The following TARBP2 variants were observed in gnomAD, a reference collection of about 807,000 sequenced individuals.
The protein encoded by TARBP2 is TARBP2 subunit of RISC loading complex.
TARBP2 carries 23 observed loss-of-function variants against 40.4 expected under a neutral mutation model. That is an observed-to-expected ratio of 0.57 (90% CI 0.41 to 0.81). TARBP2 has a LOEUF of 0.81. Ranked by LOEUF, TARBP2 falls within the 30% of genes least tolerant of loss-of-function variation. TARBP2 has a pLI of 0.00. For synonymous variants in TARBP2, 183 were observed against 190.5 expected (o/e 0.96, Z 0.32); for missense variants, 358 against 473.7 (o/e 0.76, Z 2.27).
At chr12:53,503,864 G>C (rs1405014125) in intron 4 of TARBP2, 56 bp downstream of exon 4, 1 of 1,386,810 alleles carries the variant, frequency 7.2e-7, no homozygotes, top group Non-Finnish European at 1.0e-6. Context: ...CTGGTTTTTG[G>C]TCCCTCAGTC....
chr12:53,504,385 CT>C lies in TARBP2; in HGVS notation c.423-8del, dbSNP rs1182769355. Reference sequence around the variant, plus strand: ...CTTCACCTCAACTTTGGCCCTGTGCCTTTTCCTTCAGGAGCCCCCCCATGGA... The same window carrying C: ...CTTCACCTCAACTTTGGCCCTGTGCCTTTCCTTCAGGAGCCCCCCCATGGA... On this transcript the variant is annotated splice_polypyrimidine_tract_variant and intron_variant, in intron 4 of 8. Transcript: ENST00000266987. The C allele has an allele frequency of 9.7e-6, 15 of 1,551,598 alleles. No individual in the cohort carries two copies. Among genetic ancestry groups the C allele is most frequent in the Admixed American group, 6.4e-5 (3 of 47,240 alleles).
chr12:53,505,171 C>T lies in TARBP2; in HGVS notation c.650C>T (p.Ala217Val), dbSNP rs957530072. 1.2e-5 allele frequency: 19 copies of T among 1,611,188 alleles called. No individual in the cohort carries two copies. Among genetic ancestry groups the T allele is most frequent in the East Asian group, 2.2e-5 (1 of 44,816 alleles). Residue 217 changes from alanine to valine, a missense_variant, in exon 7 of 9, where the codon GCG (alanine) becomes GTG (valine). By Grantham distance (64) the Ala-to-Val change is moderately conservative (BLOSUM62 0). Coordinates refer to ENST00000266987, the MANE Select transcript of TARBP2 (RefSeq NM_134323.2). The surrounding 1 kb of genome is among the most constrained non-coding windows in gnomAD (Gnocchi z 4.5). ...GTSKKLAKRN[A>V]AAKMLLRVHT... ...TCCAAAAAATTGGCAAAGCGGAATG[C>T]GGCGGCCAAAATGCTGCTTCGAGTG...
intron 1 of TARBP2, 82 bp downstream of exon 1, chr12:53,501,543 C>T (rs2137255088): frequency 5.2e-6 from 8 of 1,541,254 alleles, no homozygotes; most frequent in Non-Finnish European, 7.0e-6. Context: ...CCAGCATGCA[C>T]CTGGCCTGAG....
In TARBP2 at chr12:53,502,040, C is replaced by A. The variant is rs201806294; in HGVS notation, c.79C>A (p.Pro27Thr). The A allele has an allele frequency of 6.2e-7, 1 of 1,614,160 alleles. No individual in the cohort carries two copies. The highest frequency in any genetic ancestry group is 1.1e-5 in the South Asian group (1 of 91,084). The change falls in exon 2 of 9, where the codon CCA (proline) becomes ACA (threonine). Residue 27 changes from proline to threonine, a missense_variant. Physicochemically the swap from Pro to Thr is conservative, Grantham distance 38. Coordinates refer to ENST00000266987, the MANE Select transcript of TARBP2 (RefSeq NM_134323.2). Reference sequence around the variant, plus strand: ...TATAGAGCAAATGCTGGCCGCCAACCCAGGCAAGACCCCGATCAGCCTTCT... The same window carrying A: ...TATAGAGCAAATGCTGGCCGCCAACACAGGCAAGACCCCGATCAGCCTTCT... ...PSIEQMLAAN[P>T]GKTPISLLQE...
In TARBP2 at chr12:53,501,674, C is replaced by CACTG. The variant is rs1362421064; in HGVS notation, c.53+214_53+217dup. ...GCCCGGTTCCCAGACTGCACTGGAA[C>CACTG]ACTGGGCTTTATGCCCCCACATTCA... is the stretch of plus-strand genomic sequence containing the variant. On this transcript the variant is annotated intron_variant, in intron 1 of 8. Coordinates refer to ENST00000266987, the MANE Select transcript of TARBP2 (RefSeq NM_134323.2). The CACTG allele has an allele frequency of 2.1e-5, 30 of 1,439,594 alleles. No individual in the cohort carries two copies. The East Asian group carries it at 7.5e-4, about 36-fold the overall frequency. The allele number at this position is 1,439,594 out of a possible 1,614,324, so 89.2% of individuals were successfully genotyped here.
rs1167934630 is a variant in TARBP2, at chr12:53,504,476, C to A, written c.495+7C>A. The A allele has an allele frequency of 6.2e-7, 1 of 1,613,368 alleles. No homozygotes were observed. Among genetic ancestry groups the A allele is most frequent in the Admixed American group, 1.7e-5 (1 of 59,924 alleles). ...CCCCGTTGGTGCTCTGCAGGTGTGTCCCATCCTCATTTCCCATGCATGCCT... is the reference window on the plus strand; with the variant it reads ...CCCCGTTGGTGCTCTGCAGGTGTGTACCATCCTCATTTCCCATGCATGCCT... On this transcript the variant is annotated splice_region_variant and intron_variant, in intron 5 of 8. Transcript: ENST00000266987.
chr12:53,501,727 G>A (rs926088967), intron 1 of TARBP2: 1 of 1,428,554 alleles, frequency 7.0e-7, no homozygotes, highest in Non-Finnish European at 9.1e-7. Context: ...TGGGTTCCTG[G>A]CTTGCACTGT....
intron 3 of TARBP2, 52 bp from the exon 4 acceptor site, chr12:53,503,661 C>T (rs1943822729): frequency 7.2e-7 from 1 of 1,381,866 alleles, no homozygotes; most frequent in Non-Finnish European, 1.0e-6. Context: ...CCCCACCCCT[C>T]TCTTCCCCCT....
At position 53,503,009 on chromosome 12, in the gene TARBP2, C is replaced by G. The variant is rs1220169907; in HGVS notation, c.224-18C>G. ...TCCTTTCAGTGACCTCCAGTATTGC[C>G]CATGCCCCCTCTCTCAGGTCAGGGC... On this transcript the variant is annotated intron_variant, in intron 2 of 8. Coordinates refer to ENST00000266987, the MANE Select transcript of TARBP2 (RefSeq NM_134323.2). 1.7e-5 allele frequency: 26 copies of G among 1,545,888 alleles called. No homozygotes were observed. The highest frequency in any genetic ancestry group is 2.2e-5 in the Non-Finnish European group (25 of 1,143,888).
chr12:53,504,300 T>C (rs1249603688), intron 4 of TARBP2, 97 bp from the exon 5 acceptor site: 2 of 1,129,378 alleles, frequency 1.8e-6, no homozygotes, highest in African/African-American at 3.2e-5. Context: ...CGGGAGATGG[T>C]AGTCAGGAAT....
chr12:53,504,916 C>A, intron 6 of TARBP2, 101 bp downstream of exon 6: 1 of 1,485,092 alleles, frequency 6.7e-7, no homozygotes, highest in South Asian at 1.2e-5. Flanking sequence ...CCCCTGCTCT[C>A]TTAGCTTCAC....
At position 53,502,085 on chromosome 12, in the gene TARBP2, A is replaced by G. The variant is rs200955588; in HGVS notation, c.124A>G (p.Ile42Val). 6.2e-7 allele frequency: 1 copy of G among 1,614,228 alleles called. No homozygotes were observed. The highest frequency in any genetic ancestry group is 8.5e-7 in the Non-Finnish European group (1 of 1,180,050). The part of the protein sequence containing the change: ...ISLLQEYGTR[I>V]GKTPVYDLLK... ...CCTTCTGCAGGAGTATGGGACCAGA[A>G]TAGGGAAGACGCCTGTGTACGACCT... is the stretch of plus-strand genomic sequence containing the variant. Residue 42 changes from isoleucine (I) to valine (V), a missense_variant, in exon 2 of 9, where the codon ATA becomes GTA. Around this residue, in one of 3 missense-constraint regions of TARBP2, gnomAD observed 317 missense variants for 422.9 expected, o/e 0.75. Coordinates refer to ENST00000266987, the MANE Select transcript of TARBP2 (RefSeq NM_134323.2).
Position 53,503,826 on chromosome 12 carries a change from C to A in TARBP2, c.422+18C>A. ...CTAACCAGGTATCTGTGTCCCCTGA[C>A]TGCCTGAGGTGGGTGGAGGAAGGGG... On this transcript the variant is annotated intron_variant, in intron 4 of 8. Coordinates refer to ENST00000266987, the MANE Select transcript of TARBP2 (RefSeq NM_134323.2). 6.2e-7 allele frequency: 1 copy of A among 1,605,478 alleles called. No homozygotes were observed. The highest frequency in any genetic ancestry group is 8.5e-7 in the Non-Finnish European group (1 of 1,172,158).
Position 53,501,428 on chromosome 12 carries a change from G to A in TARBP2, c.20G>A (p.Gly7Asp), listed in dbSNP as rs749572733. The A allele has an allele frequency of 1.9e-6, 3 of 1,568,280 alleles. No homozygotes were observed. The highest frequency in any genetic ancestry group is 2.7e-5 in the African/African-American group (2 of 73,864). Residue 7 changes from glycine (G) to aspartate (D), a missense_variant, in exon 1 of 9, where the codon GGC becomes GAC. Around this residue, in one of 3 missense-constraint regions of TARBP2, gnomAD observed 32 missense variants for 21.6 expected, o/e 1.48. Transcript: ENST00000266987. The stretch of plus-strand genomic sequence containing the variant: ...GAGGGAATGAGTGAAGAGGAGCAAG[G>A]CTCCGGCACTACCACGGGCTGCGGG... Reference protein sequence around the residue: MSEEEQGSGTTTGCGLP... With the variant: MSEEEQDSGTTTGCGLP...
At chr12:53,501,501 T>C (rs754654408) in intron 1 of TARBP2, 40 bp downstream of exon 1, 5 of 1,553,294 alleles carry the variant, frequency 3.2e-6, no homozygotes, top group Non-Finnish European at 4.4e-6. Context: ...GCGAAAAGCG[T>C]GGGGCCGTGC....
intron 3 of TARBP2, 62 bp from the exon 4 acceptor site, chr12:53,503,651 C>T: frequency 7.9e-7 from 1 of 1,262,800 alleles, no homozygotes; most frequent in African/African-American, 1.5e-5. Flanking sequence ...GACGTGGGTC[C>T]CCCACCCCTC....
intron 5 of TARBP2, 112 bp from the exon 6 acceptor site, chr12:53,504,586 C>G: frequency 6.2e-7 from 1 of 1,606,156 alleles, no homozygotes; most frequent in Non-Finnish European, 8.5e-7. Flanking sequence ...CCCTTTCCAC[C>G]CCCCTCTCTC....
Position 53,503,763 on chromosome 12 carries a change from C to T in TARBP2, c.377C>T (p.Thr126Ile). 1.2e-6 allele frequency: 2 copies of T among 1,614,212 alleles called. No homozygotes were observed. Among genetic ancestry groups the T allele is most frequent in the Non-Finnish European group, 1.7e-6 (2 of 1,180,014 alleles). The part of the protein sequence containing the change: ...SSLPEDIPVF[T>I]AAAAATPVPS... ...CTGCCTGAGGACATTCCGGTTTTTA[C>T]TGCTGCAGCAGCTGCTACCCCAGTT... The change falls in exon 4 of 9, where the codon ACT becomes ATT. Residue 126 changes from threonine to isoleucine, a missense_variant. By Grantham distance (89) the Thr-to-Ile change is moderately conservative. Coordinates refer to ENST00000266987, the MANE Select transcript of TARBP2 (RefSeq NM_134323.2).
In TARBP2 at chr12:53,503,535, C is replaced by T. The variant is rs534986225; in HGVS notation, c.327-178C>T. 11 of 601,064 alleles carry T rather than the reference C, an allele frequency of 1.8e-5. No homozygotes were observed. In the Admixed American group the frequency reaches 2.1e-4, roughly 12 times the overall value. The allele number at this position is 601,064 out of a possible 1,614,324, so 37.2% of individuals were successfully genotyped here. On this transcript the variant is annotated intron_variant, in intron 3 of 8. Coordinates refer to ENST00000266987, the MANE Select transcript of TARBP2 (RefSeq NM_134323.2). ...TGAGACTCTCTTTTCTCAGTCTTTT[C>T]GCCGGTGTTTGGCAGCAAAGGATCC...
Sources: gnomAD v4.1 joint callset for allele counts on GRCh38, gnomAD v4.1.1 for gene constraint, gnomAD v4.1.1 regional missense constraint, Gnocchi (gnomAD v3.1) non-coding constraint, MANE v1.5 for transcripts, NCBI Gene and HGNC (gene_info 2026-07-23, HGNC 2026-07-21) for gene names.